Variants in FTO observed in about 807,000 individuals in gnomAD.
FTO encodes FTO alpha-ketoglutarate dependent dioxygenase.
Under a neutral mutation model 63.9 loss-of-function variants are expected in FTO, and 47 were observed. The observed-to-expected ratio is 0.74, with a 90% confidence interval of 0.58 to 0.94. FTO has a LOEUF of 0.94. FTO is among the 40% of genes least tolerant of loss of function. The probability of loss-of-function intolerance (pLI) is 0.00; values close to 1 mark genes in which losing one functional copy is unlikely to be tolerated. For missense variants in FTO, 562 were observed against 618.1 expected (o/e 0.91, Z 0.96); for synonymous variants, 207 against 224.4 (o/e 0.92, Z 0.69).
At chr16:53,807,982 G>A (rs1318395535) in intron 1 of FTO, among the ~76,000 whole-genome samples, 2 of 152,156 alleles carry the variant, frequency 1.3e-5, no homozygotes, top group Non-Finnish European at 2.9e-5. Flanking sequence ...GTAATGGTGT[G>A]TGTTACATTA....
At chr16:53,826,753 G>A (rs8058930) in intron 3 of FTO, among the ~76,000 whole-genome samples, 116,452 of 151,440 alleles carry the variant, frequency 0.77, 44,811 homozygotes, top group African/African-American at 0.82. Context: ...CGTAAGCACT[G>A]CTGTCATTTG....
At chr16:53,860,919 T>G (rs56089052) in intron 4 of FTO, among the ~76,000 whole-genome samples, 35,978 of 147,066 alleles carry the variant, frequency 0.24, 4,929 homozygotes, top group East Asian at 0.65. Flanking sequence ...CACACACACG[T>G]TTACTGTGAG....
intron 1 of FTO, among the ~76,000 whole-genome samples, chr16:53,771,202 A>G (rs2077327470): frequency 6.6e-6 from 1 of 152,124 alleles, no homozygotes; most frequent in African/African-American, 2.4e-5. Context: ...TAGAGAGGGA[A>G]CTAATATTTA....
chr16:53,717,572 G>A (rs1213375580), intron 1 of FTO, among the ~76,000 whole-genome samples: 3 of 151,958 alleles, frequency 2.0e-5, no homozygotes, highest in African/African-American at 7.2e-5. Context: ...TTTATTGCCT[G>A]ACTTTTATAT....
At chr16:53,706,058 G>T (rs1176083486) in intron 1 of FTO, among the ~76,000 whole-genome samples, 1 of 152,080 alleles carries the variant, frequency 6.6e-6, no homozygotes, top group Non-Finnish European at 1.5e-5. Context: ...TCTGAGCCAG[G>T]TCTTCTGACT....
At chr16:53,870,868 T>C (rs2080472959) in intron 4 of FTO, among the ~76,000 whole-genome samples, 1 of 152,244 alleles carries the variant, frequency 6.6e-6, no homozygotes, top group South Asian at 2.1e-4. Flanking sequence ...ATCTACTGAA[T>C]ATAAATTGTT....
At chr16:54,022,609 A>G (rs999504837) in intron 8 of FTO, among the ~76,000 whole-genome samples, 2 of 152,202 alleles carry the variant, frequency 1.3e-5, no homozygotes, top group Non-Finnish European at 2.9e-5. Context: ...CGGCTTGTCA[A>G]TAGCAGTGCT....
chr16:53,932,000 T>C (rs1207779420), intron 7 of FTO, among the ~76,000 whole-genome samples: 1 of 152,150 alleles, frequency 6.6e-6, no homozygotes, highest in Admixed American at 6.5e-5. Flanking sequence ...TGGATCTGAA[T>C]AGTGCGTGCC....
chr16:53,982,678 G>A (rs532367148), intron 8 of FTO, among the ~76,000 whole-genome samples: 16 of 152,302 alleles, frequency 1.1e-4, no homozygotes, highest in African/African-American at 3.8e-4. Flanking sequence ...GGGCTCTGCA[G>A]CTGTTGAAAC....
Position 53,952,856 on chromosome 16 carries a change from A to G in FTO, c.1364+18747A>G, listed in dbSNP as rs76526168. On this transcript the variant is annotated intron_variant, in intron 8 of 8. Transcript: ENST00000471389. ...ATTTAAAGTTCCAGAAAAATGCTCA[A>G]GCAGGTGAGAATTCTCATACTGTCT... 4.6e-3 allele frequency among the ~76,000 whole-genome samples: 705 copies of G among 152,340 alleles called. 3 individuals are homozygous for G. Among genetic ancestry groups the G allele is most frequent in the African/African-American group, 0.015 (644 of 41,578 alleles).
At chr16:53,977,164 T>C (rs528948728) in intron 8 of FTO, among the ~76,000 whole-genome samples, 1 of 150,558 alleles carries the variant, frequency 6.6e-6, no homozygotes, top group Admixed American at 6.6e-5. Context: ...AAATAATTCT[T>C]ATTCTCTTTA....
At chr16:53,735,025 A>G (rs770040219) in intron 1 of FTO, among the ~76,000 whole-genome samples, 6 of 152,244 alleles carry the variant, frequency 3.9e-5, no homozygotes, top group Middle Eastern at 6.3e-3. Flanking sequence ...CTCATGATCC[A>G]TTCCTTGGAA....
intron 8 of FTO, among the ~76,000 whole-genome samples, chr16:53,958,374 C>T (rs1023376312): frequency 6.6e-5 from 10 of 152,184 alleles, no homozygotes; most frequent in African/African-American, 1.7e-4. Context: ...CCTCCTCCAG[C>T]GTGGAAAGCT....
chr16:53,935,052 C>T (rs545927292), intron 8 of FTO, among the ~76,000 whole-genome samples: 1 of 152,230 alleles, frequency 6.6e-6, no homozygotes, highest in South Asian at 2.1e-4. Flanking sequence ...TTTTGAAAAA[C>T]AGTTGATATG....
chr16:53,827,857 T>C (rs1472235921), intron 3 of FTO, among the ~76,000 whole-genome samples: 1 of 152,214 alleles, frequency 6.6e-6, no homozygotes, highest in Non-Finnish European at 1.5e-5. Flanking sequence ...AGAACTCTGA[T>C]GTGAACGAAC....
intron 7 of FTO, among the ~76,000 whole-genome samples, chr16:53,901,394 CA>C (rs1432829082): frequency 6.6e-6 from 1 of 152,202 alleles, no homozygotes; most frequent in African/African-American, 2.4e-5. Context: ...ATGACATCTT[CA>C]TTGCCTCTTG....
At chr16:53,878,804 G>A (rs964688052) in intron 5 of FTO, among the ~76,000 whole-genome samples, 10 of 152,194 alleles carry the variant, frequency 6.6e-5, no homozygotes, top group African/African-American at 2.4e-4. Context: ...TTGCTCCCAC[G>A]GACTCAGAGA....
chr16:53,729,237 A>G (rs1380341151), intron 1 of FTO, among the ~76,000 whole-genome samples: 6 of 151,656 alleles, frequency 4.0e-5, no homozygotes, highest in Non-Finnish European at 4.4e-5. Context: ...ATCTTAAAAA[A>G]TGTAAAATGG....
chr16:54,093,911 T>A (rs1327802256), intron 8 of FTO, among the ~76,000 whole-genome samples: 2 of 152,178 alleles, frequency 1.3e-5, no homozygotes, highest in African/African-American at 4.8e-5. Flanking sequence ...TGGCCCAGAC[T>A]GTCCCATGCT....
Sources: allele counts gnomAD v4.1 joint callset (sites outside exome capture counted in the v4.1 genomes callset), GRCh38; gene constraint gnomAD v4.1.1; transcripts MANE v1.5; gene names NCBI Gene and HGNC (gene_info 2026-07-23, HGNC 2026-07-21).